Variants in XAB2 observed in about 807,000 individuals in gnomAD.
The protein encoded by XAB2 is pre-mRNA-splicing factor SYF1.
Under a neutral mutation model 113.4 loss-of-function variants are expected in XAB2, and 57 were observed. The ratio of observed to expected loss-of-function variants is 0.50; its 90% CI spans 0.41 to 0.63. The LOEUF is 0.63. Among genes scored for constraint, XAB2 ranks in the 20% least tolerant of loss-of-function variants. The probability of loss-of-function intolerance (pLI) is 0.00; values close to 1 mark genes in which losing one functional copy is unlikely to be tolerated. For synonymous variants in XAB2, 497 were observed against 498.8 expected, an observed-to-expected ratio of 1.00 and a Z score of 0.05; for missense variants, 1,037 against 1,233.3, an observed-to-expected ratio of 0.84 and a Z score of 2.38.
chr19:7,619,554 G>T lies in XAB2; in HGVS notation c.*32C>A, dbSNP rs978463170. ...GTACAAACGTAGCTGTATTGGGGAG[G>T]GGGTGGGGAGGGGGGATGGGGGAGG... On this transcript the variant is annotated 3_prime_UTR_variant, in exon 19 of 19. Transcript: ENST00000358368. 6.1e-6 allele frequency: 9 copies of T among 1,466,156 alleles called. No homozygotes were observed. Among genetic ancestry groups the T allele is most frequent in the Non-Finnish European group, 8.3e-6 (9 of 1,090,680 alleles). 90.8% of individuals were successfully genotyped at this position (1,466,156 alleles called of 1,614,324 possible).
At chr19:7,621,375 T>G in intron 12 of XAB2, 78 bp from the exon 13 acceptor site, 1 of 1,545,714 alleles carries the variant, frequency 6.5e-7, no homozygotes, top group Non-Finnish European at 8.8e-7. Flanking sequence ...TTGGGTGGCG[T>G]CTGTAGGGAG....
In XAB2 at chr19:7,623,595, C is replaced by A; in HGVS notation, c.1119+136G>T. The A allele has an allele frequency of 1.5e-6, 2 of 1,300,044 alleles. No individual in the cohort carries two copies. The highest frequency in any genetic ancestry group is 1.4e-5 in the South Asian group (1 of 69,178). 80.5% of individuals were successfully genotyped at this position (1,300,044 alleles called of 1,614,324 possible). A position where few individuals can be genotyped will look rare whatever the true frequency, so the allele number is the denominator to read the frequency against. ...CGGGGCTCGGGCAGGAGGAGAACCC[C>A]AAGAACAGGGGTGGAATTGGACCTA... On this transcript the variant is annotated intron_variant, in intron 8 of 18. Transcript: ENST00000358368. This position sits in a 1 kb window ranked among gnomAD's most constrained non-coding sequence, Gnocchi z 4.6.
rs1336856787 is a variant in XAB2 at position 7,623,488 on chromosome 19, T to A, written c.1120-199A>T. On this transcript the variant is annotated intron_variant, in intron 8 of 18. Coordinates refer to ENST00000358368, the MANE Select transcript of XAB2 (RefSeq NM_020196.3). The surrounding 1 kb of genome is among the most constrained non-coding windows in gnomAD (Gnocchi z 4.6). ...CTAAGGGGCGGGGCCAGGAGAGAGC[T>A]GTGACCCTCCAAGGGGCGGGGCCAC... Among the ~76,000 whole-genome samples, 1 of 149,252 alleles carries A rather than the reference T, an allele frequency of 6.7e-6. No homozygotes were observed. Among genetic ancestry groups the A allele is most frequent in the Non-Finnish European group, 1.5e-5 (1 of 67,322 alleles).
rs915380133 is a variant in XAB2, at chr19:7,625,638, C to A, written c.822+242G>T. Among the ~76,000 whole-genome samples, 1 of 152,130 alleles carries A rather than the reference C, an allele frequency of 6.6e-6. No homozygotes were observed. Among genetic ancestry groups the A allele is most frequent in the African/African-American group, 2.4e-5 (1 of 41,410 alleles). On this transcript the variant is annotated intron_variant, in intron 6 of 18. Coordinates refer to ENST00000358368, the MANE Select transcript of XAB2 (RefSeq NM_020196.3). The surrounding 1 kb of genome is among the most constrained non-coding windows in gnomAD (Gnocchi z 5.2). ...GGATTACAGGCGCGCACCACCATGT[C>A]TGACTAATTTTTGTATTTTTAGTAG...
rs781048584 is a variant in XAB2 at position 7,622,850 on chromosome 19, T to C, written c.1283A>G (p.Gln428Arg). Residue 428 changes from glutamine (Q) to arginine (R), a missense_variant, in exon 10 of 19, where the codon CAG becomes CGG. By Grantham distance (43) the Gln-to-Arg change is conservative. Coordinates refer to ENST00000358368, the MANE Select transcript of XAB2 (RefSeq NM_020196.3). ...CCACACGCTTGCCAGGTCATCCACC[T>C]GCTTGAAGTTCACCTTGGTGGCCTT... ...LEKATKVNFKQVDDLASVWCQ... is the reference protein window; with the variant it reads ...LEKATKVNFKRVDDLASVWCQ... 1 of 1,613,996 alleles carries C rather than the reference T, an allele frequency of 6.2e-7. No individual in the cohort carries two copies. The highest frequency in any genetic ancestry group is 2.2e-5 in the East Asian group (1 of 44,852).
Position 7,624,158 on chromosome 19 carries a change from A to G in XAB2, c.967+143T>C. On this transcript the variant is annotated intron_variant, in intron 7 of 18. Transcript: ENST00000358368. The surrounding 1 kb of genome is among the most constrained non-coding windows in gnomAD (Gnocchi z 4.2). ...CATTCCTGGCTCCTTCAAGACCCCC[A>G]CACCCCCTGCATCCACTCAGCCTCC... The G allele has an allele frequency of 7.4e-7, 1 of 1,353,988 alleles. No individual in the cohort carries two copies. The highest frequency in any genetic ancestry group is 2.0e-5 in the Admixed American group (1 of 50,758). 83.9% of individuals were successfully genotyped at this position (1,353,988 alleles called of 1,614,324 possible). A position where few individuals can be genotyped will look rare whatever the true frequency, so the allele number is the denominator to read the frequency against.
At chr19:7,620,181 C>T in intron 16 of XAB2, 94 bp downstream of exon 16, 5 of 1,594,868 alleles carry the variant, frequency 3.1e-6, no homozygotes, top group South Asian at 1.1e-5. Flanking sequence ...AAGGAGATTG[C>T]CATCAGGATC....
Position 7,627,963 on chromosome 19 carries a change from C to T in XAB2, c.201-112G>A. 6.6e-7 allele frequency: 1 copy of T among 1,525,834 alleles called. No homozygotes were observed. The highest frequency in any genetic ancestry group is 1.2e-5 in the South Asian group (1 of 80,772). 94.5% of individuals were successfully genotyped at this position (1,525,834 alleles called of 1,614,324 possible). A position where few individuals can be genotyped will look rare whatever the true frequency, so the allele number is the denominator to read the frequency against. On this transcript the variant is annotated intron_variant, in intron 2 of 18. Coordinates refer to ENST00000358368, the MANE Select transcript of XAB2 (RefSeq NM_020196.3). The surrounding 1 kb of genome is among the most constrained non-coding windows in gnomAD (Gnocchi z 4.5). ...GGAAGAAGGGGTGTGGGAGGGGTGA[C>T]ATGTCTCAGCAATGACAGGGACAGA...
In XAB2 at chr19:7,623,068, GTGCACACATCCA is replaced by G. The variant is rs1476812019; in HGVS notation, c.1239+90_1239+101del. 1.3e-6 allele frequency: 2 copies of G among 1,569,286 alleles called. No individual in the cohort carries two copies. Among genetic ancestry groups the G allele is most frequent in the Non-Finnish European group, 1.7e-6 (2 of 1,158,668 alleles). ...CACCCAAATGCACATGCACACACAC[GTGCACACATCCA>G]TGCACAAATATGTACACACACATAC... On this transcript the variant is annotated intron_variant, in intron 9 of 18. Transcript: ENST00000358368. The surrounding 1 kb of genome is among the most constrained non-coding windows in gnomAD (Gnocchi z 4.6).
chr19:7,626,324 C>T, intron 4 of XAB2, 54 bp from the exon 5 acceptor site: 3 of 1,581,752 alleles, frequency 1.9e-6, no homozygotes, highest in South Asian at 1.1e-5. Flanking sequence ...GCTACGCCCA[C>T]CTCCCGATTC....
At position 7,621,288 on chromosome 19, in the gene XAB2, G is replaced by C; in HGVS notation, c.1627C>G (p.Arg543Gly). 6.2e-7 allele frequency: 1 copy of C among 1,612,810 alleles called. No homozygotes were observed. Among genetic ancestry groups the C allele is most frequent in the Non-Finnish European group, 8.5e-7 (1 of 1,179,916 alleles). The part of the protein sequence containing the change: ...YFEESFKAYE[R>G]GISLFKWPNV... ...GGCCACTTGAACAGCGAGATGCCGC[G>C]CTCGTACGCCTGTTACCAGAGGGAG... is the stretch of plus-strand genomic sequence containing the variant. The change falls in exon 13 of 19, where the codon CGC becomes GGC. Residue 543 changes from arginine to glycine, a missense_variant. Arg to Gly is a moderately radical substitution (Grantham distance 125, BLOSUM62 -2). Coordinates refer to ENST00000358368, the MANE Select transcript of XAB2 (RefSeq NM_020196.3).
rs1179344256 is a variant in XAB2, at chr19:7,622,831, G to A, written c.1302C>T (p.Ser434=). 3.1e-6 allele frequency: 5 copies of A among 1,614,034 alleles called. No homozygotes were observed. In the South Asian group the frequency reaches 3.3e-5, roughly 11 times the overall value. The change falls in exon 10 of 19, where the codon AGC becomes AGT. Residue 434 remains serine, a synonymous_variant. Coordinates refer to ENST00000358368, the MANE Select transcript of XAB2 (RefSeq NM_020196.3). ...CCAGCTCTCCGCACTGACACCACAC[G>A]CTTGCCAGGTCATCCACCTGCTTGA... ...VNFKQVDDLA[S]VWCQCGELEL... is the part of the protein sequence containing the mutation.
Position 7,623,159 on chromosome 19 carries a change from A to G in XAB2, c.1239+11T>C, listed in dbSNP as rs773702320. On this transcript the variant is annotated intron_variant, in intron 9 of 18. Coordinates refer to ENST00000358368, the MANE Select transcript of XAB2 (RefSeq NM_020196.3). The surrounding 1 kb of genome is among the most constrained non-coding windows in gnomAD (Gnocchi z 4.6). ...GCATGAACACACAGGCACACGCAAC[A>G]GGGTGCTCACATCGTCCAGCTGTCC... 6.2e-7 allele frequency: 1 copy of G among 1,613,146 alleles called. No individual in the cohort carries two copies. Among genetic ancestry groups the G allele is most frequent in the Non-Finnish European group, 8.5e-7 (1 of 1,179,748 alleles).
In XAB2 at chr19:7,625,916, G is replaced by A. The variant is rs146567284; in HGVS notation, c.786C>T (p.Leu262=). ...GGCCGCTGCGGATGTAGTAGTCGGC[G>A]AGAGAACACCAGAGCTTGCCCAGCT... ...TDQLGKLWCS[L]ADYYIRSGHF... Residue 262 remains leucine, a synonymous_variant, in exon 6 of 19, where the codon CTC becomes CTT. Coordinates refer to ENST00000358368, the MANE Select transcript of XAB2 (RefSeq NM_020196.3). The surrounding 1 kb of genome is among the most constrained non-coding windows in gnomAD (Gnocchi z 5.2). 285 of 1,613,024 alleles carry A rather than the reference G, an allele frequency of 1.8e-4. No homozygotes were observed. In the African/African-American group the frequency reaches 3.5e-3, roughly 20 times the overall value.
intron 14 of XAB2, 33 bp from the exon 15 acceptor site, chr19:7,620,702 G>C (rs766213480): frequency 1.9e-6 from 3 of 1,609,014 alleles, no homozygotes; most frequent in Non-Finnish European, 2.5e-6. Context: ...CCGGGAGTGA[G>C]GCCGGGGTAG....
At position 7,622,562 on chromosome 19, in the gene XAB2, C is replaced by T. The variant is rs776729823; in HGVS notation, c.1471G>A (p.Ala491Thr). 3.1e-5 allele frequency: 50 copies of T among 1,613,622 alleles called. No homozygotes were observed. The highest frequency in any genetic ancestry group is 8.0e-5 in the African/African-American group (6 of 75,058). The change falls in exon 11 of 19, where the codon GCC becomes ACC. Residue 491 changes from alanine (A) to threonine (T), a missense_variant. Transcript: ENST00000358368. Reference sequence around the variant, plus strand: ...GTGCCGAGGCTCTCCTCCAGGTCGGCGAGCATGGACCAGACCTTCAGTGAC... The same window carrying T: ...GTGCCGAGGCTCTCCTCCAGGTCGGTGAGCATGGACCAGACCTTCAGTGAC... Reference protein sequence around the residue: ...YKSLKVWSMLADLEESLGTFQ... With the variant: ...YKSLKVWSMLTDLEESLGTFQ...
chr19:7,629,410 G>C, intron 1 of XAB2, 67 bp downstream of exon 1: 1 of 1,544,872 alleles, frequency 6.5e-7, no homozygotes, highest in Non-Finnish European at 8.8e-7. Context: ...ACCCAGCCTC[G>C]ATCCCCTGCG....
Position 7,627,648 on chromosome 19 carries a change from G to A in XAB2, c.324+80C>T. On this transcript the variant is annotated intron_variant, in intron 3 of 18. Coordinates refer to ENST00000358368, the MANE Select transcript of XAB2 (RefSeq NM_020196.3). The surrounding 1 kb of genome is among the most constrained non-coding windows in gnomAD (Gnocchi z 4.5). Reference sequence around the variant, plus strand: ...CAAGCCCCCATCCCTAACATGCTGAGCCCAGCCCCTGTCCCCGCCCCACCC... The same window carrying A: ...CAAGCCCCCATCCCTAACATGCTGAACCCAGCCCCTGTCCCCGCCCCACCC... 6.3e-7 allele frequency: 1 copy of A among 1,584,362 alleles called. No homozygotes were observed. The highest frequency in any genetic ancestry group is 1.1e-5 in the South Asian group (1 of 88,100).
rs756451482 is a variant in XAB2 at position 7,623,808 on chromosome 19, C to T, written c.1042G>A (p.Val348Ile). The T allele has an allele frequency of 1.1e-5, 17 of 1,612,026 alleles. No homozygotes were observed. Among genetic ancestry groups the T allele is most frequent in the African/African-American group, 1.3e-5 (1 of 74,962 alleles). ...TGGTGTGGGTTTTGGCGCAGCAAGA[C>T]GCTGTTGAGGAGCAGGGGCCGCCGG... ...ISRRPLLLNS[V>I]LLRQNPHHVH... The change falls in exon 8 of 19, where the codon GTC becomes ATC. Residue 348 changes from valine to isoleucine, a missense_variant. Coordinates refer to ENST00000358368, the MANE Select transcript of XAB2 (RefSeq NM_020196.3). This position sits in a 1 kb window ranked among gnomAD's most constrained non-coding sequence, Gnocchi z 4.6.
Sources: gnomAD v4.1 joint callset for allele counts (sites outside exome capture counted in the v4.1 genomes callset) on GRCh38, gnomAD v4.1.1 for gene constraint, Gnocchi (gnomAD v3.1) non-coding constraint, MANE v1.5 for transcripts, NCBI Gene and HGNC (gene_info 2026-07-23, HGNC 2026-07-21) for gene names.